The following AK5 variants were observed in gnomAD, a reference collection of about 807,000 sequenced individuals.
AK5 encodes the protein adenylate kinase 5, also known as adenylate kinase isoenzyme 5.
Under a neutral mutation model 69.5 loss-of-function variants are expected in AK5, and 27 were observed. The ratio of observed to expected loss-of-function variants is 0.39; its 90% CI spans 0.29 to 0.54. AK5 has a LOEUF of 0.54. Ranked by LOEUF, AK5 falls within the 20% of genes least tolerant of loss-of-function variation. AK5 has a pLI of 0.71. For missense variants in AK5, 531 were observed against 700.4 expected, an observed-to-expected ratio of 0.76 and a Z score of 2.73; for synonymous variants, 260 against 244.4, an observed-to-expected ratio of 1.06 and a Z score of -0.60.
intron 13 of AK5, among the ~76,000 whole-genome samples, chr1:77,557,037 A>C (rs1306902648): frequency 6.6e-6 from 1 of 151,146 alleles, no homozygotes; most frequent in Non-Finnish European, 1.5e-5. Flanking sequence ...TTGTGGCTTG[A>C]AGCCACCAGA....
At chr1:77,372,623 A>G (rs1208821113) in intron 6 of AK5, among the ~76,000 whole-genome samples, 1 of 152,190 alleles carries the variant, frequency 6.6e-6, no homozygotes, top group African/African-American at 2.4e-5. Flanking sequence ...AGAAGTATCT[A>G]CCAAATCACT....
intron 10 of AK5, among the ~76,000 whole-genome samples, chr1:77,496,136 G>A (rs1471750537): frequency 6.6e-6 from 1 of 152,198 alleles, no homozygotes; most frequent in Admixed American, 6.5e-5. Flanking sequence ...AGGGATCAGA[G>A]TTGAGAGAGG....
intron 5 of AK5, among the ~76,000 whole-genome samples, chr1:77,315,705 C>T (rs567963445): frequency 6.6e-6 from 1 of 152,294 alleles, no homozygotes; most frequent in African/African-American, 2.4e-5. Context: ...CGACAGGTGA[C>T]TGATACAGTG....
intron 5 of AK5, among the ~76,000 whole-genome samples, chr1:77,316,525 A>G (rs1169571192): frequency 6.6e-6 from 1 of 152,184 alleles, no homozygotes; most frequent in East Asian, 1.9e-4. Flanking sequence ...TCAGAGGGCT[A>G]TCATCCTACT....
intron 5 of AK5, among the ~76,000 whole-genome samples, chr1:77,302,176 G>C (rs1158380736): frequency 2.0e-5 from 3 of 151,804 alleles, no homozygotes; most frequent in Admixed American, 6.6e-5. Context: ...TGGGATTACA[G>C]GTGTGAGCCA....
At chr1:77,284,666 C>G (rs1213339830) in intron 1 of AK5, among the ~76,000 whole-genome samples, 3 of 152,132 alleles carry the variant, frequency 2.0e-5, no homozygotes, top group African/African-American at 4.8e-5. Context: ...TAGCTTACAG[C>G]AGAGATTTGG....
At chr1:77,449,535 G>T (rs1361266338) in intron 8 of AK5, among the ~76,000 whole-genome samples, 1 of 152,186 alleles carries the variant, frequency 6.6e-6, no homozygotes, top group African/African-American at 2.4e-5. Flanking sequence ...TCTCAGATGA[G>T]ACTTTGGACT....
At chr1:77,504,996 T>C (rs1003073895) in intron 10 of AK5, among the ~76,000 whole-genome samples, 1 of 152,232 alleles carries the variant, frequency 6.6e-6, no homozygotes, top group Non-Finnish European at 1.5e-5. Flanking sequence ...CAGTGATTTT[T>C]TTCTCTTACG....
intron 12 of AK5, among the ~76,000 whole-genome samples, chr1:77,523,232 G>A (rs1343764299): frequency 6.6e-6 from 1 of 152,168 alleles, no homozygotes; most frequent in Non-Finnish European, 1.5e-5. Context: ...AAGAAAACAT[G>A]TCTAGGTCTA....
At chr1:77,286,565 G>T (rs947078302) in intron 1 of AK5, among the ~76,000 whole-genome samples, 1 of 151,706 alleles carries the variant, frequency 6.6e-6, no homozygotes, top group African/African-American at 2.4e-5. Flanking sequence ...AGGTGGGTGG[G>T]GTCACGTGCA....
At chr1:77,486,403 A>G in intron 10 of AK5, 51 bp downstream of exon 10, 1 of 1,426,408 alleles carries the variant, frequency 7.0e-7, no homozygotes, top group Non-Finnish European at 9.8e-7. Context: ...AATAATAAGA[A>G]TTTGGTAGTG....
intron 2 of AK5, among the ~76,000 whole-genome samples, chr1:77,288,755 C>T (rs773290181): frequency 2.0e-5 from 3 of 152,060 alleles, no homozygotes; most frequent in South Asian, 2.1e-4. Context: ...AATGTTATAA[C>T]GGACCAAAAA....
intron 8 of AK5, among the ~76,000 whole-genome samples, chr1:77,418,357 T>C (rs905097089): frequency 6.6e-6 from 1 of 152,166 alleles, no homozygotes; most frequent in African/African-American, 2.4e-5. Context: ...GCCCCTGTGA[T>C]TCAGTCATCT....
Position 77,282,066 on chromosome 1 carries a change from G to C in AK5, c.-248G>C, listed in dbSNP as rs1201135112. 8.2e-6 allele frequency: 3 copies of C among 367,438 alleles called. No individual in the cohort carries two copies. The highest frequency in any genetic ancestry group is 8.3e-5 in the East Asian group (2 of 24,040). The allele number at this position is 367,438 out of a possible 1,614,324, so 22.8% of individuals were successfully genotyped here. A position where few individuals can be genotyped will look rare whatever the true frequency, so the allele number is the denominator to read the frequency against. On this transcript the variant is annotated 5_prime_UTR_variant, in exon 1 of 14. Transcript: ENST00000354567. ...CCGGGAAGCCGCGGCACAGCTGCTCGGCGCCTGCAGCTCCGGCTCGGGGGC... is the reference window on the plus strand; with the variant it reads ...CCGGGAAGCCGCGGCACAGCTGCTCCGCGCCTGCAGCTCCGGCTCGGGGGC...
intron 10 of AK5, among the ~76,000 whole-genome samples, chr1:77,492,332 C>G (rs1191378126): frequency 6.6e-6 from 1 of 152,116 alleles, no homozygotes; most frequent in Non-Finnish European, 1.5e-5. Context: ...TAATGAAGCA[C>G]ACAACTAGTA....
intron 13 of AK5, among the ~76,000 whole-genome samples, chr1:77,543,432 C>T (rs760984745): frequency 2.7e-5 from 4 of 150,932 alleles, no homozygotes; most frequent in South Asian, 2.1e-4. Context: ...CTGAGAATGC[C>T]ATTATAGTGG....
chr1:77,359,354 G>T (rs1441297605), intron 6 of AK5, among the ~76,000 whole-genome samples: 2 of 151,746 alleles, frequency 1.3e-5, no homozygotes. Flanking sequence ...AGCATATAAA[G>T]AATATTTTTT....
At chr1:77,474,483 T>C (rs1654719766) in intron 8 of AK5, among the ~76,000 whole-genome samples, 1 of 152,090 alleles carries the variant, frequency 6.6e-6, no homozygotes. Flanking sequence ...GCAGGAGAAG[T>C]AGGGTCCAGG....
At chr1:77,391,704 G>A (rs193189631) in intron 6 of AK5, among the ~76,000 whole-genome samples, 35 of 151,896 alleles carry the variant, frequency 2.3e-4, no homozygotes, top group African/African-American at 8.4e-4. Context: ...CAGACACACT[G>A]CTTGGATTAT....
Sources: gnomAD v4.1 joint callset for allele counts (sites outside exome capture counted in the v4.1 genomes callset) on GRCh38, gnomAD v4.1.1 for gene constraint, MANE v1.5 for transcripts, NCBI Gene and HGNC (gene_info 2026-07-23, HGNC 2026-07-21) for gene names.